The following IGSF5 variants were observed in gnomAD, a reference collection of about 807,000 sequenced individuals.
The protein encoded by IGSF5 is immunoglobulin superfamily member 5.
In IGSF5, 41 loss-of-function variants were observed where a neutral mutation model predicts 39.4. The observed-to-expected ratio is 1.04, with a 90% CI of 0.81 to 1.35. The LOEUF is 1.35. Among genes scored for constraint, IGSF5 ranks in the 40% most tolerant of loss-of-function variants. The probability of loss-of-function intolerance (pLI) is 0.00; values close to 1 mark genes in which losing one functional copy is unlikely to be tolerated. For synonymous variants in IGSF5, 183 were observed against 175.3 expected (o/e 1.04, Z -0.34); for missense variants, 487 against 494.6 (o/e 0.98, Z 0.15).
chr21:39,796,581 A>G (rs1158479674), intron 8 of IGSF5, among the ~76,000 whole-genome samples: 5 of 152,116 alleles, frequency 3.3e-5, no homozygotes, highest in Non-Finnish European at 7.4e-5. Flanking sequence ...TATGACTCCA[A>G]TTTGTCAGAG....
upstream of IGSF5, among the ~76,000 whole-genome samples, chr21:39,740,229 G>A (rs1413679728): frequency 1.3e-5 from 2 of 152,190 alleles, no homozygotes; most frequent in Non-Finnish European, 2.9e-5. Context: ...TCTAATGGAG[G>A]GTCCTGCCTT....
chr21:39,760,817 A>C (rs1259848082), intron 2 of IGSF5, among the ~76,000 whole-genome samples: 2 of 152,038 alleles, frequency 1.3e-5, no homozygotes, highest in African/African-American at 4.8e-5. Flanking sequence ...TGATCCGCCC[A>C]CCTCGGCCTA....
At chr21:39,741,555 G>A (rs187971702), upstream of IGSF5, among the ~76,000 whole-genome samples, 20 of 152,332 alleles carry the variant, frequency 1.3e-4, no homozygotes, top group East Asian at 3.9e-3. Flanking sequence ...TTCTGAACGG[G>A]CAGCTAAAAG....
At chr21:39,727,756 AG>A in the IGSF5 span, 1 of 152,274 alleles carries the variant, frequency 6.6e-6, no homozygotes, top group Non-Finnish European at 1.5e-5. Flanking sequence ...GAGAAGAACG[AG>A]GGGGGGAGCT....
chr21:39,736,651 T>A, the IGSF5 span, among the ~76,000 whole-genome samples: 3 of 152,200 alleles, frequency 2.0e-5, no homozygotes, highest in African/African-American at 4.8e-5. Flanking sequence ...ATAGAAACAG[T>A]CCCGGCCCGG....
chr21:39,739,433 C>G, the IGSF5 span, among the ~76,000 whole-genome samples: 1 of 152,094 alleles, frequency 6.6e-6, no homozygotes, highest in African/African-American at 2.4e-5. Flanking sequence ...ATTTCTTTAT[C>G]TCCGTTTTTG....
chr21:39,780,413 C>T (rs1460283598), intron 5 of IGSF5, among the ~76,000 whole-genome samples: 2 of 152,114 alleles, frequency 1.3e-5, no homozygotes, highest in Non-Finnish European at 2.9e-5. Flanking sequence ...ACCAAAGACA[C>T]TGATTATTGG....
chr21:39,732,307 C>A, the IGSF5 span, among the ~76,000 whole-genome samples: 11 of 152,124 alleles, frequency 7.2e-5, no homozygotes, highest in African/African-American at 2.4e-4. Flanking sequence ...ATCCTCATAC[C>A]AAAATTGCTA....
At chr21:39,725,931 A>G in the IGSF5 span, 1 of 152,202 alleles carries the variant, frequency 6.6e-6, no homozygotes, top group Non-Finnish European at 1.5e-5. Context: ...CTGGGGCAAG[A>G]TGTTACACAG....
At chr21:39,774,559 T>C (rs914063509) in intron 4 of IGSF5, among the ~76,000 whole-genome samples, 4 of 152,220 alleles carry the variant, frequency 2.6e-5, no homozygotes, top group African/African-American at 9.6e-5. Flanking sequence ...GATCTGTTTT[T>C]TAGAAATTGA....
chr21:39,781,018 G>C (rs1396533609), intron 5 of IGSF5, among the ~76,000 whole-genome samples: 2 of 152,154 alleles, frequency 1.3e-5, no homozygotes, highest in African/African-American at 2.4e-5. Context: ...TGAACACTTA[G>C]TGTGTGTGTG....
At chr21:39,749,577 G>T (rs1373331820) in intron 2 of IGSF5, among the ~76,000 whole-genome samples, 1 of 152,210 alleles carries the variant, frequency 6.6e-6, no homozygotes, top group Non-Finnish European at 1.5e-5. Flanking sequence ...CACAGCCTCA[G>T]GAGGCCCTGA....
intron 6 of IGSF5, chr21:39,791,591 A>C (rs1419736927): frequency 6.4e-6 from 1 of 156,322 alleles, no homozygotes; most frequent in African/African-American, 2.4e-5. Flanking sequence ...CTGTTATAAC[A>C]TGAGTATGGC....
At chr21:39,755,519 G>A (rs2080024963) in intron 2 of IGSF5, among the ~76,000 whole-genome samples, 1 of 151,494 alleles carries the variant, frequency 6.6e-6, no homozygotes, top group Non-Finnish European at 1.5e-5. Context: ...CCTGGGAGGT[G>A]GAGCTTGCAG....
chr21:39,755,581 C>T (rs772739005), intron 2 of IGSF5, among the ~76,000 whole-genome samples: 8 of 102,260 alleles, frequency 7.8e-5, no homozygotes, highest in East Asian at 3.1e-4. Flanking sequence ...AGCGAGACTC[C>T]ATCTCAAAAA....
chr21:39,779,245 C>T lies in IGSF5; in HGVS notation c.874C>T (p.Arg292Cys), dbSNP rs369163594. 33 of 1,609,484 alleles carry T rather than the reference C, an allele frequency of 2.1e-5. No individual in the cohort carries two copies. The highest frequency in any genetic ancestry group is 2.4e-5 in the Non-Finnish European group (28 of 1,175,986). ...TACAATACGCTGCTGCTGCTGCCGC[C>T]GTCGTTGTTGTGGCTGCAACTGCTG... Reference protein sequence around the residue: ...TLTIRCCCCRRRCCGCNCCCR... With the variant: ...TLTIRCCCCRCRCCGCNCCCR... The change falls in exon 5 of 9, where the codon CGT (arginine) becomes TGT (cysteine). Residue 292 changes from arginine (R) to cysteine (C), a missense_variant. Arg to Cys is a radical substitution (Grantham distance 180). Coordinates refer to ENST00000380588, the MANE Select transcript of IGSF5 (RefSeq NM_001080444.2).
At chr21:39,781,380 A>G (rs1370932027) in intron 5 of IGSF5, among the ~76,000 whole-genome samples, 1 of 152,162 alleles carries the variant, frequency 6.6e-6, no homozygotes, top group Non-Finnish European at 1.5e-5. Context: ...ACCATTCTCC[A>G]ATATATAAGC....
chr21:39,764,261 A>G (rs956100556), intron 2 of IGSF5, among the ~76,000 whole-genome samples: 1 of 152,134 alleles, frequency 6.6e-6, no homozygotes, highest in Non-Finnish European at 1.5e-5. Flanking sequence ...ACACAGGTGA[A>G]GTGCTAATGT....
intron 2 of IGSF5, among the ~76,000 whole-genome samples, chr21:39,757,438 T>C (rs9305678): frequency 0.82 from 123,979 of 151,760 alleles, 50,825 homozygotes; most frequent in Admixed American, 0.86. Context: ...TGGCGGGTGG[T>C]GTAAGACGAT....
Sources: gnomAD v4.1 joint callset for allele counts (sites outside exome capture counted in the v4.1 genomes callset) on GRCh38, gnomAD v4.1.1 for gene constraint, MANE v1.5 for transcripts, NCBI Gene and HGNC (gene_info 2026-07-23, HGNC 2026-07-21) for gene names.